RRM1: variants seen among roughly 807,000 people sequenced by gnomAD.
The protein encoded by RRM1 is ribonucleotide reductase catalytic subunit M1.
RRM1 carries 19 observed loss-of-function variants against 101.5 expected under a neutral mutation model. The observed-to-expected ratio is 0.19, with a 90% CI of 0.13 to 0.27. The LOEUF (loss-of-function observed/expected upper bound fraction) is 0.27. RRM1 is among the 10% of genes least tolerant of loss of function. The pLI, the probability that RRM1 is intolerant of heterozygous loss-of-function variation, is 1.00. For missense variants in RRM1, 500 were observed against 962.9 expected (o/e 0.52, Z 6.36); for synonymous variants, 298 against 323.4 (o/e 0.92, Z 0.84).
At chr11:4,133,863 A>T (rs1054179973) in intron 17 of RRM1, among the ~76,000 whole-genome samples, 1 of 152,196 alleles carries the variant, frequency 6.6e-6, no homozygotes, top group Non-Finnish European at 1.5e-5. Context: ...GCAATAATAT[A>T]AAAAAGTAGT....
rs768944195 is a variant in RRM1 at position 4,111,881 on chromosome 11, ACTC to A, written c.488-15_488-13del. On this transcript the variant is annotated splice_polypyrimidine_tract_variant and intron_variant, in intron 6 of 18. Transcript: ENST00000300738. ...TTTTCTGACGTCTCATCATGTGAAA[ACTC>A]CTCTTTTGTCTATAGTGGCTGAAAG... 4.4e-6 allele frequency: 7 copies of A among 1,595,372 alleles called. 1 individual carries two copies. In the South Asian group the frequency reaches 8.0e-5, roughly 18 times the overall value.
chr11:4,138,275 A>C lies in RRM1; in HGVS notation c.2271A>C (p.Leu757=). 6.2e-7 allele frequency: 1 copy of C among 1,610,408 alleles called. No individual in the cohort carries two copies. The highest frequency in any genetic ancestry group is 8.5e-7 in the Non-Finnish European group (1 of 1,176,832). Residue 757 remains leucine, a synonymous_variant, in exon 19 of 19, where the codon CTA becomes CTC. Coordinates refer to ENST00000300738, the MANE Select transcript of RRM1 (RefSeq NM_001033.5). ...PIQFTLNKEK[L]KDKEKVSKEE... Reference sequence around the variant, plus strand: ...AGTTCACTCTAAATAAGGAGAAGCTAAAAGATAAAGAAAAGGTATCAAAAG... The same window carrying C: ...AGTTCACTCTAAATAAGGAGAAGCTCAAAGATAAAGAAAAGGTATCAAAAG...
intron 5 of RRM1, among the ~76,000 whole-genome samples, 189 bp from the exon 6 acceptor site, chr11:4,111,410 CAA>C (rs1165163692): frequency 3.1e-4 from 23 of 73,736 alleles, no homozygotes; most frequent in African/African-American, 3.7e-4. Flanking sequence ...GACTCTGTCT[CAA>C]AAAAAAAAAA....
intron 7 of RRM1, among the ~76,000 whole-genome samples, chr11:4,114,716 T>G (rs1009447754): frequency 6.6e-6 from 1 of 152,182 alleles, no homozygotes; most frequent in Admixed American, 6.5e-5. Context: ...TCGTTGACTT[T>G]TTTTGTTTGT....
chr11:4,099,678 G>T (rs1322378383), intron 1 of RRM1, among the ~76,000 whole-genome samples: 1 of 152,080 alleles, frequency 6.6e-6, no homozygotes, highest in African/African-American at 2.4e-5. Flanking sequence ...ACTAAGAAAG[G>T]CTTTGCTTGA....
chr11:4,123,112 T>C (rs982031082), intron 11 of RRM1, 71 bp from the exon 12 acceptor site: 8 of 1,111,162 alleles, frequency 7.2e-6, no homozygotes, highest in African/African-American at 1.6e-5. Flanking sequence ...TATATTTTAA[T>C]GTCTTCAAGT....
intron 2 of RRM1, 40 bp downstream of exon 2, chr11:4,102,121 T>C (rs770363695): frequency 1.0e-6 from 1 of 1,003,064 alleles, no homozygotes; most frequent in South Asian, 1.3e-5. Flanking sequence ...CCTTCTTTCA[T>C]GTGTTTCTTT....
chr11:4,133,980 ATTTTTTTTTT>A (rs34715101), intron 17 of RRM1, among the ~76,000 whole-genome samples: 2 of 90,866 alleles, frequency 2.2e-5, no homozygotes, highest in African/African-American at 4.5e-5. Context: ...CCAGACATCA[ATTTTTTTTTT>A]TTTTTTTTTT....
chr11:4,132,355 T>C lies in RRM1; in HGVS notation c.1839T>C (p.Asn613=). 1 of 1,614,162 alleles carries C rather than the reference T, an allele frequency of 6.2e-7. No homozygotes were observed. The highest frequency in any genetic ancestry group is 8.5e-7 in the Non-Finnish European group (1 of 1,179,992). ...CTTCCACTGCTCAGATCCTGGGGAA[T>C]AATGAGTCCATTGAACCTTACACCA... The part of the protein sequence containing the change: ...PTASTAQILG[N]NESIEPYTSN... The change falls in exon 16 of 19, where the codon AAT becomes AAC. Residue 613 remains asparagine, a synonymous_variant. Coordinates refer to ENST00000300738, the MANE Select transcript of RRM1 (RefSeq NM_001033.5). The surrounding 1 kb of genome is among the most constrained non-coding windows in gnomAD (Gnocchi z 4.1).
chr11:4,127,313 T>C (rs2094591465), intron 14 of RRM1, 57 bp downstream of exon 14: 2 of 1,106,534 alleles, frequency 1.8e-6, no homozygotes, highest in Non-Finnish European at 2.5e-6. Flanking sequence ...GGCTGAATGG[T>C]GACCCCACAA....
At chr11:4,131,534 A>G (rs2094600427) in intron 15 of RRM1, among the ~76,000 whole-genome samples, 1 of 152,248 alleles carries the variant, frequency 6.6e-6, no homozygotes, top group Admixed American at 6.5e-5. Context: ...GGTACAGGTC[A>G]GAGAAAATGT....
chr11:4,119,947 A>C lies in RRM1; in HGVS notation c.876+19A>C, dbSNP rs753156090. 4.2e-6 allele frequency: 6 copies of C among 1,424,606 alleles called. No individual in the cohort carries two copies. In the Admixed American group the frequency reaches 8.8e-5, roughly 21 times the overall value. 88.2% of individuals were successfully genotyped at this position (1,424,606 alleles called of 1,614,324 possible). A position where few individuals can be genotyped will look rare whatever the true frequency, so the allele number is the denominator to read the frequency against. The stretch of plus-strand genomic sequence containing the variant: ...GAACAAGGTATGCTCCATGAATTGA[A>C]AGTACTGGAAATCAGAACTAAAGGT... On this transcript the variant is annotated intron_variant, in intron 9 of 18. Coordinates refer to ENST00000300738, the MANE Select transcript of RRM1 (RefSeq NM_001033.5).
intron 18 of RRM1, among the ~76,000 whole-genome samples, chr11:4,136,143 G>C (rs1484594848): frequency 6.6e-6 from 1 of 152,106 alleles, no homozygotes; most frequent in Admixed American, 6.6e-5. Flanking sequence ...AAGCATTTTT[G>C]AGAGTACTCC....
intron 5 of RRM1, 111 bp from the exon 6 acceptor site, chr11:4,111,490 A>G: frequency 1.6e-6 from 1 of 610,470 alleles, no homozygotes; most frequent in Non-Finnish European, 2.8e-6. Flanking sequence ...TTCATTTGAA[A>G]TTTTATAGAA....
At chr11:4,094,779 T>C (rs72555755), upstream of RRM1, 25 of 586,438 alleles carry the variant, frequency 4.3e-5, no homozygotes, top group South Asian at 8.2e-5. Flanking sequence ...TCGAGTAACG[T>C]CATTCGAACC....
In RRM1 at chr11:4,132,263, C is replaced by T; in HGVS notation, c.1770-23C>T. ...GCAGATTGTAGCTTTGGGACTAGTA[C>T]CTGATAATCTCCTTTTCTTTAGGTA... On this transcript the variant is annotated intron_variant, in intron 15 of 18. Coordinates refer to ENST00000300738, the MANE Select transcript of RRM1 (RefSeq NM_001033.5). The surrounding 1 kb of genome is among the most constrained non-coding windows in gnomAD (Gnocchi z 4.1). 16 of 1,613,576 alleles carry T rather than the reference C, an allele frequency of 9.9e-6. No individual in the cohort carries two copies. The highest frequency in any genetic ancestry group is 1.4e-5 in the Non-Finnish European group (16 of 1,179,636).
chr11:4,124,023 C>T (rs1438178065), intron 12 of RRM1, among the ~76,000 whole-genome samples: 1 of 152,048 alleles, frequency 6.6e-6, no homozygotes, highest in East Asian at 1.9e-4. Context: ...CTGTATGATA[C>T]ACCAGAGACA....
intron 4 of RRM1, among the ~76,000 whole-genome samples, chr11:4,109,394 T>C (rs2094562454): frequency 6.6e-6 from 1 of 152,056 alleles, no homozygotes; most frequent in African/African-American, 2.4e-5. Flanking sequence ...TCACAACATA[T>C]ATTTATGTAT....
chr11:4,138,391 C>T lies in RRM1; in HGVS notation c.*8C>T, dbSNP rs1383518794. ...CTGATGTGTGGATCCTGAGGAAAGA[C>T]TTGGAAGAGACCAGCATGTCTTCAG... On this transcript the variant is annotated 3_prime_UTR_variant, in exon 19 of 19. Transcript: ENST00000300738. 2 of 1,591,070 alleles carry T rather than the reference C, an allele frequency of 1.3e-6. No individual in the cohort carries two copies. The highest frequency in any genetic ancestry group is 1.7e-6 in the Non-Finnish European group (2 of 1,169,224).
Sources: allele counts gnomAD v4.1 joint callset (sites outside exome capture counted in the v4.1 genomes callset), GRCh38; gene constraint gnomAD v4.1.1; non-coding constraint Gnocchi (gnomAD v3.1); transcripts MANE v1.5; gene names NCBI Gene and HGNC (gene_info 2026-07-23, HGNC 2026-07-21).